The following CLEC18A variants were observed in gnomAD, a reference collection of about 807,000 sequenced individuals.
The protein encoded by CLEC18A is mannose receptor-like 1.
In CLEC18A, 5 loss-of-function variants were observed where a neutral mutation model predicts 24.0. The observed-to-expected ratio is 0.21, with a 90% CI of 0.11 to 0.44. The LOEUF is 0.44. Ranked by LOEUF, CLEC18A falls within the 20% of genes least tolerant of loss-of-function variation. CLEC18A has a pLI of 0.99. For missense variants in CLEC18A, 83 were observed against 233.4 expected (o/e 0.36, Z 4.20); for synonymous variants, 29 against 100.1 (o/e 0.29, Z 4.24).
chr16:69,965,287 GCGAGCGCCAGGCCTTCC>G (rs1959341992), downstream of CLEC18A, among the ~76,000 whole-genome samples: 1 of 151,962 alleles, frequency 6.6e-6, no homozygotes, highest in Non-Finnish European at 1.5e-5. Context: ...AAGGTCGCCT[GCGAGCGCCAGGCCTTCC>G]TGCCCGGTGG....
downstream of CLEC18A, among the ~76,000 whole-genome samples, chr16:69,966,498 CAGCGCCAAG>C (rs1959396768): frequency 7.0e-6 from 1 of 142,646 alleles, no homozygotes; most frequent in African/African-American, 2.7e-5. Flanking sequence ...ACACTCCCAC[CAGCGCCAAG>C]ACAGCTTACA....
At chr16:69,966,424 CCG>C (rs1433026618), downstream of CLEC18A, among the ~76,000 whole-genome samples, 1 of 132,868 alleles carries the variant, frequency 7.5e-6, no homozygotes, top group Non-Finnish European at 1.7e-5. Flanking sequence ...AGTAAAGAAG[CCG>C]CGGCCAAAAC....
downstream of CLEC18A, among the ~76,000 whole-genome samples, chr16:69,965,581 C>T (rs938972406): frequency 6.7e-6 from 1 of 149,670 alleles, no homozygotes; most frequent in Non-Finnish European, 1.5e-5. Context: ...GACGCGCCGT[C>T]GTGAGTGGGG....
chr16:69,965,126 C>T (rs529363908), downstream of CLEC18A, among the ~76,000 whole-genome samples: 451 of 151,600 alleles, frequency 3.0e-3, no homozygotes, highest in Admixed American at 0.025. Flanking sequence ...CCACTGCTTC[C>T]CATGGCTTCG....
intron 2 of CLEC18A, chr16:69,953,042 C>T (rs1204328182): frequency 1.3e-5 from 2 of 150,862 alleles, no homozygotes; most frequent in Admixed American, 1.3e-4. Context: ...CCTGGGACCC[C>T]AGGAGGGGCT....
intron 10 of CLEC18A, 57 bp downstream of exon 10, chr16:69,962,141 G>A (rs3869413): frequency 0.022 from 29 of 1,338 alleles, no homozygotes; most frequent in Non-Finnish European, 0.032. Flanking sequence ...CCTGCCTGGT[G>A]GAGCCCCCCA....
intron 3 of CLEC18A, among the ~76,000 whole-genome samples, chr16:69,956,404 A>G (rs1239481657): frequency 2.2e-3 from 276 of 122,892 alleles, no homozygotes; most frequent in African/African-American, 9.5e-3. Context: ...CGCGCAGGCT[A>G]CTGTGCAGTG....
chr16:69,946,392 ATTTTTTTTTT>A (rs56112480), upstream of CLEC18A, among the ~76,000 whole-genome samples: 8 of 84,058 alleles, frequency 9.5e-5, no homozygotes, highest in African/African-American at 1.6e-4. Context: ...ATGTGTATGG[ATTTTTTTTTT>A]TTTTTTTTTT....
upstream of CLEC18A, among the ~76,000 whole-genome samples, chr16:69,950,476 C>T (rs1209340757): frequency 9.0e-6 from 1 of 111,292 alleles, no homozygotes; most frequent in East Asian, 2.4e-4. Flanking sequence ...TCACGCCAGC[C>T]ACGGCCGGGC....
intron 3 of CLEC18A, among the ~76,000 whole-genome samples, chr16:69,956,273 A>G (rs2059034187): frequency 7.2e-6 from 1 of 139,832 alleles, no homozygotes; most frequent in South Asian, 2.5e-4. Flanking sequence ...ATGTGCCCCT[A>G]CAACTAGGTG....
upstream of CLEC18A, among the ~76,000 whole-genome samples, chr16:69,948,414 C>T (rs1264775006): frequency 1.3e-5 from 2 of 148,304 alleles, no homozygotes; most frequent in African/African-American, 2.5e-5. Context: ...TTGAGACCAT[C>T]AACAAGATTT....
downstream of CLEC18A, among the ~76,000 whole-genome samples, chr16:69,964,693 CGG>C (rs1352812970): frequency 6.6e-6 from 1 of 150,794 alleles, no homozygotes; most frequent in East Asian, 2.0e-4. Flanking sequence ...TTAGTAGAGA[CGG>C]GGTTTCACCG....
rs546307338 is a variant in CLEC18A, at chr16:69,954,983, A to C, written c.456+410A>C. On this transcript the variant is annotated intron_variant, in intron 3 of 11. Coordinates refer to ENST00000288040, the MANE Select transcript of CLEC18A (RefSeq NM_001370523.4). Reference sequence around the variant, plus strand: ...CCAAAGTGCTGGGATTACAGGCATGAGCCACTGTGCCCCGCCACATTTTTT... The same window carrying C: ...CCAAAGTGCTGGGATTACAGGCATGCGCCACTGTGCCCCGCCACATTTTTT... Among the ~76,000 whole-genome samples the C allele has an allele frequency of 3.6e-4, 55 of 151,678 alleles. 2 individuals are homozygous for C. In the East Asian group the frequency reaches 0.011, roughly 29 times the overall value.
intron 3 of CLEC18A, among the ~76,000 whole-genome samples, chr16:69,956,114 G>A (rs2059031502): frequency 6.6e-6 from 1 of 150,550 alleles, no homozygotes; most frequent in African/African-American, 2.5e-5. Flanking sequence ...AGGTGTGATG[G>A]TGTGCGCCTG....
intron 2 of CLEC18A, chr16:69,953,245 TGTG>T (rs1321711098): frequency 6.6e-6 from 1 of 152,012 alleles, no homozygotes; most frequent in Non-Finnish European, 1.5e-5. Context: ...CTGAAGGTCT[TGTG>T]GGGGTGGAGG....
At chr16:69,946,491 G>A (rs534378052), upstream of CLEC18A, among the ~76,000 whole-genome samples, 1 of 138,398 alleles carries the variant, frequency 7.2e-6, no homozygotes, top group Non-Finnish European at 1.5e-5. Flanking sequence ...TCCGCCTCCC[G>A]GGTTCAAGCA....
downstream of CLEC18A, among the ~76,000 whole-genome samples, chr16:69,965,437 C>T (rs1959352822): frequency 6.6e-6 from 1 of 151,984 alleles, no homozygotes; most frequent in African/African-American, 2.4e-5. Flanking sequence ...CCCGGAGGGG[C>T]CGCCCTGCGC....
Position 69,952,140 on chromosome 16 carries a change from CCAG to C in CLEC18A, c.216+16_216+18del. ...ATGCGGAGGCTGGTGAGTACCCGAC[CCAG>C]CTGGGCTCTGCCAGGGGGGTGGCCG... is the stretch of plus-strand genomic sequence containing the variant. On this transcript the variant is annotated intron_variant, in intron 2 of 11. Coordinates refer to ENST00000288040, the MANE Select transcript of CLEC18A (RefSeq NM_001370523.4). 1.9e-6 allele frequency: 1 copy of C among 521,256 alleles called. No homozygotes were observed. Among genetic ancestry groups the C allele is most frequent in the Non-Finnish European group, 3.4e-6 (1 of 293,780 alleles). The allele number at this position is 521,256 out of a possible 1,614,324, so 32.3% of individuals were successfully genotyped here.
At chr16:69,951,125 C>CCACCAGCCCAGCCT, upstream of CLEC18A, 1 of 1,050,846 alleles carries the variant, frequency 9.5e-7, no homozygotes, top group Non-Finnish European at 1.3e-6. Flanking sequence ...TGCCTGCTGT[C>CCACCAGCCCAGCCT]GGGGGCGGGC....
Sources: allele counts gnomAD v4.1 joint callset (sites outside exome capture counted in the v4.1 genomes callset), GRCh38; gene constraint gnomAD v4.1.1; transcripts MANE v1.5; gene names NCBI Gene and HGNC (gene_info 2026-07-23, HGNC 2026-07-21).